CA5A: variants seen among roughly 807,000 people sequenced by gnomAD.
The protein encoded by CA5A is carbonic anhydrase 5A, also known as carbonic anhydrase 5A, mitochondrial.
Under a neutral mutation model 37.1 loss-of-function variants are expected in CA5A, and 28 were observed. The ratio of observed to expected loss-of-function variants is 0.75; its 90% confidence interval spans 0.56 to 1.03. CA5A has a LOEUF of 1.03. Ranked by LOEUF, CA5A falls within the 50% of genes least tolerant of loss-of-function variation. CA5A has a pLI of 0.00. For missense variants in CA5A, 444 were observed against 399.9 expected, an observed-to-expected ratio of 1.11 and a Z score of -0.94; for synonymous variants, 171 against 158.4, an observed-to-expected ratio of 1.08 and a Z score of -0.60.
Position 87,933,550 on chromosome 16 carries a change from A to AT in CA5A, c.142+2758dup, listed in dbSNP as rs113398551. Among the ~76,000 whole-genome samples, 987 of 141,010 alleles carry AT rather than the reference A, an allele frequency of 7.0e-3. 6 individuals are homozygous for AT. Among genetic ancestry groups the AT allele is most frequent in the Non-Finnish European group, 9.6e-3 (616 of 64,178 alleles). The allele number at this position is 141,010 out of a possible 152,430, so 92.5% of individuals were successfully genotyped here. A position where few individuals can be genotyped will look rare whatever the true frequency, so the allele number is the denominator to read the frequency against. ...GCCACCATGTCCAGTTAATTTTTTA[A>AT]TTTTTTTTTTTTTTTAGAGATGGGT... is the stretch of plus-strand genomic sequence containing the variant. On this transcript the variant is annotated intron_variant, in intron 1 of 6. Transcript: ENST00000649794.
intron 2 of CA5A, among the ~76,000 whole-genome samples, chr16:87,906,546 G>A (rs1256731808): frequency 2.6e-5 from 4 of 152,092 alleles, no homozygotes; most frequent in Non-Finnish European, 5.9e-5. Context: ...AGAATTGCTC[G>A]AACCTGGGAG....
intron 2 of CA5A, among the ~76,000 whole-genome samples, chr16:87,913,069 C>T (rs960824769): frequency 1.2e-4 from 18 of 151,596 alleles, no homozygotes; most frequent in Admixed American, 8.6e-4. Context: ...CTGCAGCCTC[C>T]GCCTCCTAGG....
At chr16:87,914,252 T>A (rs906054603) in intron 2 of CA5A, among the ~76,000 whole-genome samples, 7 of 152,206 alleles carry the variant, frequency 4.6e-5, no homozygotes, top group African/African-American at 1.7e-4. Context: ...CGGGTGACCA[T>A]GGTAGGCATT....
At chr16:87,934,661 C>G (rs2056447414) in intron 1 of CA5A, among the ~76,000 whole-genome samples, 1 of 151,034 alleles carries the variant, frequency 6.6e-6, no homozygotes, top group Admixed American at 6.6e-5. Context: ...GACGGTCGTA[C>G]TAAGAATAAA....
At chr16:87,920,013 C>T (rs1280305687) in intron 2 of CA5A, among the ~76,000 whole-genome samples, 1 of 152,208 alleles carries the variant, frequency 6.6e-6, no homozygotes, top group African/African-American at 2.4e-5. Context: ...CAGCATTCCC[C>T]ATCCATGGAC....
At chr16:87,895,854 T>C (rs918538168) in intron 5 of CA5A, among the ~76,000 whole-genome samples, 24 of 152,208 alleles carry the variant, frequency 1.6e-4, no homozygotes, top group African/African-American at 5.1e-4. Flanking sequence ...TCCTTTCTGA[T>C]TGCCAAGTAA....
chr16:87,893,041 T>A, intron 5 of CA5A: 1 of 1,221,182 alleles, frequency 8.2e-7, no homozygotes, highest in Non-Finnish European at 1.2e-6. Context: ...GTGCCCAACC[T>A]TCATGTCACG....
intron 2 of CA5A, among the ~76,000 whole-genome samples, chr16:87,919,088 G>T (rs889910712): frequency 5.9e-5 from 9 of 152,222 alleles, no homozygotes; most frequent in African/African-American, 1.9e-4. Context: ...GGCAGGGAGG[G>T]CCTAGATCCT....
At chr16:87,902,229 C>G (rs1416074875) in intron 4 of CA5A, among the ~76,000 whole-genome samples, 196 bp downstream of exon 4, 1 of 152,004 alleles carries the variant, frequency 6.6e-6, no homozygotes, top group African/African-American at 2.4e-5. Flanking sequence ...TGGCACACTC[C>G]TATAGTCCCA....
In CA5A at chr16:87,888,033, A is replaced by G; in HGVS notation, c.*96T>C. The G allele has an allele frequency of 2.7e-6, 4 of 1,486,064 alleles. No individual in the cohort carries two copies. The South Asian group carries it at 5.6e-5, about 21-fold the overall frequency. The allele number at this position is 1,486,064 out of a possible 1,614,324, so 92.1% of individuals were successfully genotyped here. On this transcript the variant is annotated 3_prime_UTR_variant, in exon 7 of 7. Transcript: ENST00000649794. The stretch of plus-strand genomic sequence containing the variant: ...AACAATAACCTCATGCTCTCTTTTT[A>G]ATTTCAGAAGTCATGTACAATCACA...
At chr16:87,893,626 C>T (rs1047992092) in intron 5 of CA5A, 19 of 685,302 alleles carry the variant, frequency 2.8e-5, no homozygotes, top group Non-Finnish European at 3.7e-5. Flanking sequence ...TACCTACAGA[C>T]GGAGTGCTGT....
chr16:87,917,090 G>C (rs868023119), intron 2 of CA5A, among the ~76,000 whole-genome samples: 46 of 143,266 alleles, frequency 3.2e-4, no homozygotes, highest in African/African-American at 1.2e-3. Context: ...GGGTGACAGA[G>C]CGAGAGTCTG....
At chr16:87,894,850 G>C (rs1041580744) in intron 5 of CA5A, among the ~76,000 whole-genome samples, 1 of 149,608 alleles carries the variant, frequency 6.7e-6, no homozygotes, top group African/African-American at 2.6e-5. Flanking sequence ...TTGCACTCCA[G>C]CCTGGGCAAC....
At chr16:87,916,155 A>T (rs193121145) in intron 2 of CA5A, among the ~76,000 whole-genome samples, 14 of 146,508 alleles carry the variant, frequency 9.6e-5, no homozygotes, top group East Asian at 2.0e-4. Context: ...GTGACAGAGC[A>T]AGACTCCGTC....
rs547918689 is a variant in CA5A, at chr16:87,891,853, G to T, written c.720C>A (p.Thr240=). ...TCTGGATGATCCAGGTGACCGACTCGGTCAGCGGCGGGGTGGTGAGCGAGC... is the reference window on the plus strand; with the variant it reads ...TCTGGATGATCCAGGTGACCGACTCTGTCAGCGGCGGGGTGGTGAGCGAGC... ...YAGSLTTPPL[T]ESVTWIIQKE... is the part of the protein sequence containing the mutation. Residue 240 remains threonine (T), a synonymous_variant, in exon 6 of 7, where the codon ACC becomes ACA. Transcript: ENST00000649794. 229 of 1,579,632 alleles carry T rather than the reference G, an allele frequency of 1.4e-4. No homozygotes were observed. Among genetic ancestry groups the T allele is most frequent in the Middle Eastern group, 9.1e-4 (5 of 5,514 alleles).
intron 2 of CA5A, 88 bp downstream of exon 2, chr16:87,926,660 C>T (rs2056315531): frequency 1.9e-6 from 2 of 1,044,470 alleles, no homozygotes; most frequent in East Asian, 2.4e-5. Flanking sequence ...CACCTTCCTG[C>T]TCTCCTCCCC....
chr16:87,933,574 G>A (rs1286225475), intron 1 of CA5A, among the ~76,000 whole-genome samples: 3 of 151,390 alleles, frequency 2.0e-5, no homozygotes, highest in African/African-American at 4.9e-5. Flanking sequence ...TTAGAGATGG[G>A]TTCTTGCTAT....
rs959475460 is a variant in CA5A, at chr16:87,924,134, G to A, written c.340+2614C>T. On this transcript the variant is annotated intron_variant, in intron 2 of 6. Coordinates refer to ENST00000649794, the MANE Select transcript of CA5A (RefSeq NM_001739.2). ...GCCTGGTTTGTGCCTCCCAAGATCT[G>A]GTTGTCCCACTTTCCCTCTTCTTCT... The A allele has an allele frequency of 5.1e-6, 5 of 985,286 alleles. No individual in the cohort carries two copies. In the African/African-American group the frequency reaches 8.7e-5, roughly 17 times the overall value. 61.0% of individuals were successfully genotyped at this position (985,286 alleles called of 1,614,324 possible). A position where few individuals can be genotyped will look rare whatever the true frequency, so the allele number is the denominator to read the frequency against.
chr16:87,881,630 C>G (rs2055608430), exon 5 of CA5A: 1 of 152,074 alleles, frequency 6.6e-6, no homozygotes, highest in African/African-American at 2.4e-5. Flanking sequence ...AAAGCTGGGC[C>G]AGAAATTCTA....
Sources: allele counts gnomAD v4.1 joint callset (sites outside exome capture counted in the v4.1 genomes callset), GRCh38; gene constraint gnomAD v4.1.1; transcripts MANE v1.5; gene names NCBI Gene and HGNC (gene_info 2026-07-23, HGNC 2026-07-21).